Variants in ANO10 observed in about 807,000 individuals in gnomAD.
The protein encoded by ANO10 is anoctamin 10, also known as anoctamin-10.
Under a neutral mutation model 74.7 loss-of-function variants are expected in ANO10, and 77 were observed. That is an observed-to-expected ratio of 1.03 (90% CI 0.86 to 1.25). The LOEUF is 1.25. Among genes scored for constraint, ANO10 ranks in the 50% most tolerant of loss-of-function variants. The pLI is 0.00. For synonymous variants in ANO10, 279 were observed against 284.9 expected (o/e 0.98, Z 0.21); for missense variants, 721 against 778.1 (o/e 0.93, Z 0.87).
At chr3:43,633,995 C>CAAAAAAAAAA (rs5848667) in intron 1 of ANO10, among the ~76,000 whole-genome samples, 2 of 124,040 alleles carry the variant, frequency 1.6e-5, no homozygotes, top group Non-Finnish European at 3.3e-5. Context: ...TCATGGACAG[C>CAAAAAAAAAA]AAAAAAAAAA....
intron 11 of ANO10, among the ~76,000 whole-genome samples, chr3:43,533,359 C>T (rs72865044): frequency 0.082 from 12,470 of 152,002 alleles, 753 homozygotes; most frequent in African/African-American, 0.16. Flanking sequence ...ATTTGTAGGC[C>T]AAAAAGTATA....
upstream of ANO10, among the ~76,000 whole-genome samples, chr3:43,624,090 C>A (rs2083472241): frequency 6.6e-6 from 1 of 152,098 alleles, no homozygotes; most frequent in South Asian, 2.1e-4. Flanking sequence ...CCACAATTAA[C>A]AAATTAAAAC....
chr3:43,648,074 G>T (rs2083745607), intron 1 of ANO10, among the ~76,000 whole-genome samples: 1 of 152,116 alleles, frequency 6.6e-6, no homozygotes, highest in African/African-American at 2.4e-5. Context: ...AAGCCCAGGA[G>T]ACCTTCTCTT....
Position 43,495,697 on chromosome 3 carries a change from GA to G in ANO10, c.1797+54022del, listed in dbSNP as rs922339706. On this transcript the variant is annotated intron_variant, in intron 11 of 12. Transcript: ENST00000292246. The stretch of plus-strand genomic sequence containing the variant: ...ACAACATTTTGCCTATCCAATTTGT[GA>G]AAAAAAAATTTTTTTTTTTTGAGAT... Among the ~76,000 whole-genome samples, 6 of 150,862 alleles carry G rather than the reference GA, an allele frequency of 4.0e-5. No individual in the cohort carries two copies. In the South Asian group the frequency reaches 6.3e-4, roughly 16 times the overall value.
intron 11 of ANO10, among the ~76,000 whole-genome samples, chr3:43,505,792 C>T (rs923461694): frequency 6.6e-6 from 1 of 152,106 alleles, no homozygotes; most frequent in Admixed American, 6.6e-5. Flanking sequence ...AATATGGTCC[C>T]TAAGGGCAAA....
intron 9 of ANO10, among the ~76,000 whole-genome samples, chr3:43,559,104 A>C (rs2054554): frequency 0.61 from 92,098 of 152,070 alleles, 28,537 homozygotes; most frequent in East Asian, 0.89. Flanking sequence ...ATAGAGCTTC[A>C]TTTGCTTATT....
At chr3:43,515,296 T>A (rs2077664284) in intron 11 of ANO10, among the ~76,000 whole-genome samples, 1 of 152,194 alleles carries the variant, frequency 6.6e-6, no homozygotes, top group Non-Finnish European at 1.5e-5. Flanking sequence ...TCAATGTGGG[T>A]GAGCCTCATC....
chr3:43,400,087 CTA>C, intron 12 of ANO10, among the ~76,000 whole-genome samples: 1 of 152,248 alleles, frequency 6.6e-6, no homozygotes, highest in South Asian at 2.1e-4. Flanking sequence ...ATTCTGCTTT[CTA>C]TGTTACAAAA....
intron 1 of ANO10, among the ~76,000 whole-genome samples, chr3:43,672,434 G>A (rs2084070871): frequency 6.6e-6 from 1 of 152,170 alleles, no homozygotes; most frequent in African/African-American, 2.4e-5. Context: ...GGGACACTGA[G>A]GTGGGAGGAT....
At chr3:43,426,122 C>T (rs1355435802) in intron 12 of ANO10, among the ~76,000 whole-genome samples, 1 of 152,134 alleles carries the variant, frequency 6.6e-6, no homozygotes, top group Non-Finnish European at 1.5e-5. Context: ...GCCTCCACAC[C>T]TTTCACATCG....
intron 11 of ANO10, among the ~76,000 whole-genome samples, chr3:43,539,044 G>A (rs1410880741): frequency 6.6e-6 from 1 of 152,062 alleles, no homozygotes; most frequent in East Asian, 1.9e-4. Context: ...TTTTCATCAT[G>A]ACCTTAGAGC....
At chr3:43,531,080 CT>C (rs2078447065) in intron 11 of ANO10, among the ~76,000 whole-genome samples, 1 of 152,148 alleles carries the variant, frequency 6.6e-6, no homozygotes, top group South Asian at 2.1e-4. Context: ...TGTAATATGA[CT>C]AATAAACTCT....
chr3:43,547,830 TC>T (rs2079267971), intron 11 of ANO10, among the ~76,000 whole-genome samples: 1 of 152,140 alleles, frequency 6.6e-6, no homozygotes, highest in Non-Finnish European at 1.5e-5. Context: ...AGTAGGCTAA[TC>T]AATGGTAATA....
intron 12 of ANO10, among the ~76,000 whole-genome samples, chr3:43,417,465 G>A (rs551922452): frequency 4.6e-5 from 7 of 152,198 alleles, no homozygotes; most frequent in African/African-American, 9.6e-5. Context: ...TACAAAGTCC[G>A]GCGCATCCAC....
At chr3:43,557,248 A>T (rs1438301022) in intron 9 of ANO10, among the ~76,000 whole-genome samples, 1 of 152,162 alleles carries the variant, frequency 6.6e-6, no homozygotes. Context: ...ACGTCAACAC[A>T]TCCTGATGGG....
intron 1 of ANO10, among the ~76,000 whole-genome samples, chr3:43,615,986 A>G (rs996021206): frequency 4.6e-5 from 7 of 152,220 alleles, no homozygotes; most frequent in East Asian, 3.9e-4. Context: ...ATGATACAAG[A>G]TATTTTGCTT....
Position 43,535,107 on chromosome 3 carries a change from G to A in ANO10, c.1797+14613C>T, listed in dbSNP as rs185072035. ...TTGTGCCTCAGCCTCTAGAGTAGCT[G>A]GCATTACAGGAGTGCACCACCACAC... On this transcript the variant is annotated intron_variant, in intron 11 of 12. Coordinates refer to ENST00000292246, the MANE Select transcript of ANO10 (RefSeq NM_018075.5). Among the ~76,000 whole-genome samples the A allele has an allele frequency of 2.2e-4, 34 of 151,730 alleles. No homozygotes were observed. The East Asian group carries it at 4.3e-3, about 19-fold the overall frequency.
chr3:43,542,191 A>T (rs1559672212), intron 11 of ANO10, among the ~76,000 whole-genome samples: 1 of 152,216 alleles, frequency 6.6e-6, no homozygotes, highest in Admixed American at 6.5e-5. Flanking sequence ...TGTTTTAAAA[A>T]GTATGTCTAG....
At chr3:43,614,278 A>C (rs894783863) in intron 1 of ANO10, among the ~76,000 whole-genome samples, 1 of 152,200 alleles carries the variant, frequency 6.6e-6, no homozygotes, top group African/African-American at 2.4e-5. Context: ...GTATATGAGC[A>C]CTATCTACAA....
Sources: gnomAD v4.1 joint callset for allele counts (sites outside exome capture counted in the v4.1 genomes callset) on GRCh38, gnomAD v4.1.1 for gene constraint, MANE v1.5 for transcripts, NCBI Gene and HGNC (gene_info 2026-07-23, HGNC 2026-07-21) for gene names.